The following CELF4 variants were observed in gnomAD, a reference collection of about 807,000 sequenced individuals.
The protein encoded by CELF4 is CUG-BP- and ETR-3-like factor 4.
A neutral mutation model predicts 59.9 loss-of-function variants in CELF4; 18 were observed. The ratio of observed to expected loss-of-function variants is 0.30; its 90% CI spans 0.21 to 0.45. CELF4 has a LOEUF of 0.45. Ranked by LOEUF, CELF4 falls within the 20% of genes least tolerant of loss-of-function variation. The probability of loss-of-function intolerance (pLI) is 1.00; values close to 1 mark genes in which losing one functional copy is unlikely to be tolerated. For missense variants in CELF4, 456 were observed against 689.0 expected, an observed-to-expected ratio of 0.66 and a Z score of 3.79; for synonymous variants, 261 against 267.1, an observed-to-expected ratio of 0.98 and a Z score of 0.22.
At chr18:37,523,759 T>C (rs554805280) in intron 1 of CELF4, among the ~76,000 whole-genome samples, 1 of 152,340 alleles carries the variant, frequency 6.6e-6, no homozygotes, top group African/African-American at 2.4e-5. Context: ...CAGTCCCTTC[T>C]GGTCCTTCCT....
At chr18:37,354,542 C>T (rs771647108) in intron 2 of CELF4, among the ~76,000 whole-genome samples, 5 of 152,146 alleles carry the variant, frequency 3.3e-5, no homozygotes, top group African/African-American at 4.8e-5. Context: ...TTCTGGTTCC[C>T]GTAGGTAGGT....
intron 2 of CELF4, among the ~76,000 whole-genome samples, chr18:37,450,543 T>G (rs2099760447): frequency 6.6e-6 from 1 of 151,784 alleles, no homozygotes; most frequent in Admixed American, 6.6e-5. Context: ...TCAAGGCAGA[T>G]AAAGTGCGCA....
intron 2 of CELF4, among the ~76,000 whole-genome samples, chr18:37,362,018 C>A (rs1230591079): frequency 1.3e-5 from 2 of 152,086 alleles, no homozygotes; most frequent in Admixed American, 1.3e-4. Context: ...CCCTGTGGTC[C>A]CCTTCACCTG....
At chr18:37,444,257 CT>C (rs2099741462) in intron 2 of CELF4, among the ~76,000 whole-genome samples, 1 of 152,090 alleles carries the variant, frequency 6.6e-6, no homozygotes, top group Admixed American at 6.5e-5. Flanking sequence ...TATAGACCCC[CT>C]GTGTGGGTAG....
At chr18:37,469,766 T>G (rs558850482) in intron 2 of CELF4, among the ~76,000 whole-genome samples, 1 of 152,334 alleles carries the variant, frequency 6.6e-6, no homozygotes, top group East Asian at 1.9e-4. Flanking sequence ...TTTTCTTCCA[T>G]TGATTTATCT....
At position 37,254,378 on chromosome 18, in the gene CELF4, G is replaced by C. The variant is rs1226694978; in HGVS notation, c.1334-440C>G. 2.0e-5 allele frequency among the ~76,000 whole-genome samples: 3 copies of C among 151,958 alleles called. No homozygotes were observed. Among genetic ancestry groups the C allele is most frequent in the Non-Finnish European group, 4.4e-5 (3 of 67,924 alleles). Reference sequence around the variant, plus strand: ...GCCTGGCAGCGCGCGGGCACAGGGTGCCGGCCTGGGGAGAGAGACGAGTGC... The same window carrying C: ...GCCTGGCAGCGCGCGGGCACAGGGTCCCGGCCTGGGGAGAGAGACGAGTGC... On this transcript the variant is annotated intron_variant, in intron 11 of 12. Transcript: ENST00000420428. This position sits in a 1 kb window ranked among gnomAD's most constrained non-coding sequence, Gnocchi z 5.1.
chr18:37,533,090 G>A (rs1368710849), intron 1 of CELF4, among the ~76,000 whole-genome samples: 2 of 152,270 alleles, frequency 1.3e-5, no homozygotes, highest in Non-Finnish European at 2.9e-5. Context: ...CAGCCTTCCA[G>A]CAAGCTGGCC....
At chr18:37,293,522 C>G (rs1478106521) in intron 3 of CELF4, among the ~76,000 whole-genome samples, 1 of 152,144 alleles carries the variant, frequency 6.6e-6, no homozygotes, top group East Asian at 1.9e-4. Flanking sequence ...AACTTGATTA[C>G]ATTTGCAAAT....
chr18:37,252,035 C>A (rs2154269385), intron 12 of CELF4, among the ~76,000 whole-genome samples: 1 of 152,232 alleles, frequency 6.6e-6, no homozygotes, highest in East Asian at 1.9e-4. Flanking sequence ...AGAGAGAAGG[C>A]CCCTGCTCTC....
intron 2 of CELF4, among the ~76,000 whole-genome samples, chr18:37,414,506 T>TTC (rs1220307647): frequency 6.3e-5 from 9 of 142,720 alleles, no homozygotes; most frequent in Admixed American, 2.1e-4. Context: ...TTCTTTTCTT[T>TTC]TTTTTTTTTT....
chr18:37,512,391 T>C (rs1450059771), intron 1 of CELF4, among the ~76,000 whole-genome samples: 1 of 151,914 alleles, frequency 6.6e-6, no homozygotes, highest in Non-Finnish European at 1.5e-5. Context: ...TCCTCCTCTT[T>C]CTCTTCCTCC....
rs1232079272 is a variant in CELF4 at position 37,366,753 on chromosome 18, C to A, written c.370-44872G>T. Among the ~76,000 whole-genome samples, 7 of 152,212 alleles carry A rather than the reference C, an allele frequency of 4.6e-5. 1 individual carries two copies. The highest frequency in any genetic ancestry group is 4.6e-4 in the Admixed American group (7 of 15,292). On this transcript the variant is annotated intron_variant, in intron 2 of 12. Coordinates refer to ENST00000420428, the MANE Select transcript of CELF4 (RefSeq NM_020180.4). ...AGAGGGTAAGTAGCATCCTTGGGGT[C>A]ACAGAACACCTGGATTTGAATCCCA... is the stretch of plus-strand genomic sequence containing the variant.
At chr18:37,266,441 G>T in intron 9 of CELF4, 92 bp downstream of exon 9, 2 of 1,240,188 alleles carry the variant, frequency 1.6e-6, no homozygotes, top group Non-Finnish European at 2.3e-6. Flanking sequence ...CCCATGCAGT[G>T]CTGGCCCCAG....
intron 1 of CELF4, among the ~76,000 whole-genome samples, chr18:37,551,987 A>G (rs2099983355): frequency 6.6e-6 from 1 of 152,176 alleles, no homozygotes. Context: ...GAAACAAAAC[A>G]CAACTCCCCG....
intron 1 of CELF4, among the ~76,000 whole-genome samples, chr18:37,490,584 C>T (rs1306767450): frequency 6.6e-6 from 1 of 151,930 alleles, no homozygotes; most frequent in Non-Finnish European, 1.5e-5. Context: ...TCCTCTGAGC[C>T]GGGGCTGGCT....
intron 1 of CELF4, among the ~76,000 whole-genome samples, chr18:37,528,173 T>A (rs1024090480): frequency 6.6e-6 from 1 of 152,210 alleles, no homozygotes; most frequent in African/African-American, 2.4e-5. Flanking sequence ...TTTCTGATAA[T>A]ACATAATGTG....
intron 2 of CELF4, among the ~76,000 whole-genome samples, chr18:37,411,397 G>C (rs1192784221): frequency 6.6e-6 from 1 of 152,120 alleles, no homozygotes; most frequent in Non-Finnish European, 1.5e-5. Flanking sequence ...GCTGTGTGAG[G>C]GTGAGGGAAC....
intron 1 of CELF4, among the ~76,000 whole-genome samples, chr18:37,522,545 G>A (rs149112985): frequency 1.3e-5 from 2 of 152,286 alleles, no homozygotes; most frequent in Admixed American, 6.5e-5. Flanking sequence ...ACGTGTGCAT[G>A]TCAGATGGGG....
At chr18:37,378,242 G>A (rs2098994656) in intron 2 of CELF4, among the ~76,000 whole-genome samples, 1 of 152,202 alleles carries the variant, frequency 6.6e-6, no homozygotes, top group African/African-American at 2.4e-5. Flanking sequence ...CCCAGGAGCG[G>A]AAGGTGCTTT....
Sources: gnomAD v4.1 joint callset for allele counts (sites outside exome capture counted in the v4.1 genomes callset) on GRCh38, gnomAD v4.1.1 for gene constraint, Gnocchi (gnomAD v3.1) non-coding constraint, MANE v1.5 for transcripts, NCBI Gene and HGNC (gene_info 2026-07-23, HGNC 2026-07-21) for gene names.